Variants in FBXL20 observed in about 807,000 individuals in gnomAD.
FBXL20 encodes the protein F-box/LRR-repeat protein 20.
FBXL20 carries 11 observed loss-of-function variants against 64.0 expected under a neutral mutation model. The ratio of observed to expected loss-of-function variants is 0.17; its 90% CI spans 0.11 to 0.28. FBXL20 has a LOEUF of 0.28. Among genes scored for constraint, FBXL20 ranks in the 10% least tolerant of loss-of-function variants. The pLI is 1.00. For missense variants in FBXL20, 303 were observed against 526.2 expected (o/e 0.58, Z 4.15); for synonymous variants, 184 against 189.0 (o/e 0.97, Z 0.22).
In FBXL20 at chr17:39,255,165, CG is replaced by C. The variant is rs1354606076; in HGVS notation, c.*6294del. ...AAAAATAGATACAACGGGCCGGGCG[CG>C]GTGGCTCACGCCTGTAATCCCAGCA... is the stretch of plus-strand genomic sequence containing the variant. On this transcript the variant is annotated 3_prime_UTR_variant, in exon 15 of 15. Transcript: ENST00000264658. The C allele has an allele frequency of 6.6e-6, 1 of 152,160 alleles. No individual in the cohort carries two copies. The highest frequency in any genetic ancestry group is 1.9e-4 in the East Asian group (1 of 5,178). 9.4% of individuals were successfully genotyped at this position (152,160 alleles called of 1,614,324 possible).
At chr17:39,349,707 C>T (rs1252388332) in intron 1 of FBXL20, among the ~76,000 whole-genome samples, 2 of 152,124 alleles carry the variant, frequency 1.3e-5, no homozygotes, top group Non-Finnish European at 2.9e-5. Context: ...GAGGCTGAGG[C>T]AGGCAGATCA....
intron 2 of FBXL20, among the ~76,000 whole-genome samples, chr17:39,314,401 T>C (rs2047265085): frequency 6.6e-6 from 1 of 152,160 alleles, no homozygotes; most frequent in Non-Finnish European, 1.5e-5. Flanking sequence ...GGCTGTCACC[T>C]GGCTGTAGTG....
chr17:39,309,784 TC>T (rs1330603150), intron 2 of FBXL20, among the ~76,000 whole-genome samples: 1 of 123,592 alleles, frequency 8.1e-6, no homozygotes, highest in Non-Finnish European at 1.6e-5. Context: ...AGAGTGAGAC[TC>T]CATCTCAAAA....
intron 2 of FBXL20, among the ~76,000 whole-genome samples, chr17:39,322,652 TTCTC>T (rs1200642196): frequency 6.6e-6 from 1 of 152,102 alleles, no homozygotes; most frequent in African/African-American, 2.4e-5. Context: ...GTTGTGAGAA[TTCTC>T]TCTTTCAGAT....
At chr17:39,339,984 G>T (rs763771534) in intron 2 of FBXL20, among the ~76,000 whole-genome samples, 4 of 151,724 alleles carry the variant, frequency 2.6e-5, no homozygotes, top group Non-Finnish European at 5.9e-5. Flanking sequence ...TGTCGCCCAG[G>T]CTGAAGCGCA....
At chr17:39,330,830 A>G (rs986392341) in intron 2 of FBXL20, among the ~76,000 whole-genome samples, 1 of 152,180 alleles carries the variant, frequency 6.6e-6, no homozygotes, top group Non-Finnish European at 1.5e-5. Context: ...GGGAGAAAAT[A>G]ACATCCTACA....
chr17:39,332,603 G>C (rs1415891686), intron 2 of FBXL20, among the ~76,000 whole-genome samples: 1 of 140,134 alleles, frequency 7.1e-6, no homozygotes, highest in African/African-American at 2.7e-5. Context: ...GTGCAGTGAC[G>C]TGATCTCGGC....
At chr17:39,314,795 CT>C (rs59955109) in intron 2 of FBXL20, among the ~76,000 whole-genome samples, 13,384 of 125,742 alleles carry the variant, frequency 0.11, 473 homozygotes, top group African/African-American at 0.17. Flanking sequence ...ATATCCTTTT[CT>C]TTTTTTTTTT....
chr17:39,354,832 T>C (rs1359982160), intron 1 of FBXL20, among the ~76,000 whole-genome samples: 1 of 152,194 alleles, frequency 6.6e-6, no homozygotes, highest in East Asian at 1.9e-4. Context: ...ACAAATAAAA[T>C]AACAATTAAA....
chr17:39,359,218 C>T (rs980001916), intron 1 of FBXL20, among the ~76,000 whole-genome samples: 8 of 152,106 alleles, frequency 5.3e-5, no homozygotes, highest in Admixed American at 4.6e-4. Context: ...TACCTGTAGT[C>T]CCAGCTACTT....
intron 1 of FBXL20, among the ~76,000 whole-genome samples, chr17:39,381,695 G>T (rs1242964336): frequency 6.6e-6 from 1 of 151,624 alleles, no homozygotes. Flanking sequence ...GGGGGCTGAG[G>T]TGGGAAGATT....
Position 39,364,048 on chromosome 17 carries a change from C to T in FBXL20, c.43-20807G>A, listed in dbSNP as rs117371139. Among the ~76,000 whole-genome samples the T allele has an allele frequency of 5.3e-3, 801 of 151,898 alleles. 2 individuals carry two copies. The highest frequency in any genetic ancestry group is 0.011 in the South Asian group (54 of 4,816). ...GAGATTACAGGTATGTGCCACCACG[C>T]TCGACTAGTTTTTGTATTTTTAGTA... On this transcript the variant is annotated intron_variant, in intron 1 of 14. Transcript: ENST00000264658.
intron 6 of FBXL20, among the ~76,000 whole-genome samples, chr17:39,292,779 A>T (rs1307158027): frequency 6.7e-6 from 1 of 149,560 alleles, no homozygotes; most frequent in Admixed American, 6.7e-5. Flanking sequence ...ACTGCTTTGC[A>T]TATGTCTTAT....
intron 12 of FBXL20, among the ~76,000 whole-genome samples, chr17:39,266,392 G>C (rs1038074824): frequency 2.0e-5 from 3 of 151,992 alleles, no homozygotes; most frequent in Non-Finnish European, 4.4e-5. Flanking sequence ...GCTAATTTTT[G>C]AATTTTTAGT....
At chr17:39,308,324 G>A (rs1485718532) in intron 2 of FBXL20, among the ~76,000 whole-genome samples, 2 of 151,726 alleles carry the variant, frequency 1.3e-5, no homozygotes, top group African/African-American at 4.8e-5. Flanking sequence ...GTGAGACCCC[G>A]ACTCTGTAAA....
chr17:39,365,818 A>G (rs1167473198), intron 1 of FBXL20, among the ~76,000 whole-genome samples: 1 of 152,140 alleles, frequency 6.6e-6, no homozygotes, highest in Non-Finnish European at 1.5e-5. Flanking sequence ...TCCATGCCCT[A>G]CTGAAAACTT....
chr17:39,293,766 G>A (rs1246860199), intron 6 of FBXL20, among the ~76,000 whole-genome samples: 1 of 151,546 alleles, frequency 6.6e-6, no homozygotes, highest in Non-Finnish European at 1.5e-5. Flanking sequence ...AACTGTGTGG[G>A]GTCTCATCCT....
upstream of FBXL20, chr17:39,402,203 G>C: frequency 8.1e-7 from 1 of 1,232,316 alleles, no homozygotes; most frequent in Non-Finnish European, 1.0e-6. Flanking sequence ...GCAGCAGGCG[G>C]TCCCTGCTCG....
chr17:39,275,694 G>C (rs1419395541), intron 9 of FBXL20, among the ~76,000 whole-genome samples: 3 of 151,738 alleles, frequency 2.0e-5, no homozygotes. Context: ...ACAGGCTTGA[G>C]CCACCATGCC....
Sources: gnomAD v4.1 joint callset for allele counts (sites outside exome capture counted in the v4.1 genomes callset) on GRCh38, gnomAD v4.1.1 for gene constraint, MANE v1.5 for transcripts, NCBI Gene and HGNC (gene_info 2026-07-23, HGNC 2026-07-21) for gene names.